Variants in RBM20 observed in about 807,000 individuals in gnomAD.
The protein encoded by RBM20 is RNA-binding protein 20.
A neutral mutation model predicts 110.1 loss-of-function variants in RBM20; 51 were observed. That is an observed-to-expected ratio of 0.46 (90% CI 0.37 to 0.59). The LOEUF (loss-of-function observed/expected upper bound fraction) is 0.59, where lower values mean the gene tolerates loss of function less well. RBM20 is among the 20% of genes least tolerant of loss of function. RBM20 has a pLI of 0.00. For synonymous variants in RBM20, 589 were observed against 618.2 expected (o/e 0.95, Z 0.70); for missense variants, 1,512 against 1,574.9 (o/e 0.96, Z 0.68).
chr10:110,664,328 A>G (rs940387479), intron 1 of RBM20, among the ~76,000 whole-genome samples: 3 of 152,244 alleles, frequency 2.0e-5, no homozygotes, highest in African/African-American at 7.2e-5. Context: ...AGAAGTACTC[A>G]GAAGCTAATT....
intron 1 of RBM20, among the ~76,000 whole-genome samples, chr10:110,710,382 T>C (rs1240000925): frequency 6.6e-6 from 1 of 152,248 alleles, no homozygotes; most frequent in Non-Finnish European, 1.5e-5. Flanking sequence ...GCACTTCCCA[T>C]GTGATTGCTA....
chr10:110,675,685 C>T (rs2134849622), intron 1 of RBM20, among the ~76,000 whole-genome samples: 1 of 152,252 alleles, frequency 6.6e-6, no homozygotes, highest in South Asian at 2.1e-4. Context: ...ACATAGTCCC[C>T]CTCAAGTTCT....
At chr10:110,667,068 T>TGGTC (rs1425155619) in intron 1 of RBM20, among the ~76,000 whole-genome samples, 1 of 152,218 alleles carries the variant, frequency 6.6e-6, no homozygotes, top group East Asian at 1.9e-4. Flanking sequence ...AGGATGTGTG[T>TGGTC]GGTCTTACTG....
intron 1 of RBM20, among the ~76,000 whole-genome samples, chr10:110,757,712 A>G (rs1843939069): frequency 6.6e-6 from 1 of 152,220 alleles, no homozygotes; most frequent in Admixed American, 6.5e-5. Context: ...CTGTTGGGGA[A>G]TAAAAGGCAA....
At chr10:110,672,052 T>A (rs4918555) in intron 1 of RBM20, among the ~76,000 whole-genome samples, 158 of 152,144 alleles carry the variant, frequency 1.0e-3, no homozygotes, top group African/African-American at 3.5e-3. Flanking sequence ...TAGGGCCCTA[T>A]TAGGGACTCT....
At chr10:110,779,954 G>C (rs1844315487) in intron 1 of RBM20, among the ~76,000 whole-genome samples, 1 of 152,144 alleles carries the variant, frequency 6.6e-6, no homozygotes, top group Non-Finnish European at 1.5e-5. Context: ...CTTAACATTA[G>C]AGCATATAGA....
intron 1 of RBM20, among the ~76,000 whole-genome samples, chr10:110,655,245 CT>C (rs923267470): frequency 1.3e-5 from 2 of 151,990 alleles, no homozygotes; most frequent in East Asian, 3.8e-4. Flanking sequence ...CCAATTAAAA[CT>C]TTTTTTTCCT....
At chr10:110,652,132 C>G (rs1861958452) in intron 1 of RBM20, among the ~76,000 whole-genome samples, 1 of 152,142 alleles carries the variant, frequency 6.6e-6, no homozygotes, top group African/African-American at 2.4e-5. Flanking sequence ...TCATGTACTA[C>G]TCAGCCATTA....
chr10:110,744,243 C>T (rs994796329), intron 1 of RBM20, among the ~76,000 whole-genome samples: 1 of 152,162 alleles, frequency 6.6e-6, no homozygotes, highest in Non-Finnish European at 1.5e-5. Flanking sequence ...CAGTGCCTGG[C>T]ACACAGTAGG....
intron 7 of RBM20, among the ~76,000 whole-genome samples, chr10:110,809,954 T>C (rs1278100874): frequency 4.6e-5 from 7 of 152,220 alleles, no homozygotes; most frequent in Admixed American, 6.5e-5. Flanking sequence ...TAAGTTTCCA[T>C]AGATATAAAA....
chr10:110,751,930 A>G (rs572760270), intron 1 of RBM20, among the ~76,000 whole-genome samples: 16 of 152,164 alleles, frequency 1.1e-4, no homozygotes, highest in African/African-American at 3.9e-4. Flanking sequence ...TTGAGAGGAA[A>G]GTACAGAGAT....
chr10:110,827,789 C>T (rs1053275149), intron 12 of RBM20: 6 of 152,192 alleles, frequency 3.9e-5, no homozygotes, highest in African/African-American at 1.4e-4. Flanking sequence ...TGGCTCCTCT[C>T]ACCGGGGCTG....
rs76890793 is a variant in RBM20 at position 110,722,768 on chromosome 10, C to T, written c.192-58033C>T. The stretch of plus-strand genomic sequence containing the variant: ...ATGATACTAATTACATCTCTGATAC[C>T]ATTGACAAAGGAGCTCTAGGGCTAG... On this transcript the variant is annotated intron_variant, in intron 1 of 13. Transcript: ENST00000369519. Among the ~76,000 whole-genome samples the T allele has an allele frequency of 5.6e-3, 845 of 152,148 alleles. 4 individuals carry two copies. The highest frequency in any genetic ancestry group is 0.02 in the African/African-American group (810 of 41,506).
At position 110,644,539 on chromosome 10, in the gene RBM20, G is replaced by C; in HGVS notation, c.85G>C (p.Ala29Pro). Residue 29 changes from alanine (A) to proline (P), a missense_variant, in exon 1 of 14, where the codon GCC (alanine) becomes CCC (proline). This residue lies in a region of RBM20 where 1,149 missense variants were observed against 1,169.4 expected (regional missense o/e 0.98). Transcript: ENST00000369519. This position sits in a 1 kb window ranked among gnomAD's most constrained non-coding sequence, Gnocchi z 4.3. ...PDRVACSVPG[A>P]RASPAPSGPR... ...CAGAGTTGCCTGCAGTGTGCCTGGTGCCCGGGCGTCCCCGGCACCCTCCGG... is the reference window on the plus strand; with the variant it reads ...CAGAGTTGCCTGCAGTGTGCCTGGTCCCCGGGCGTCCCCGGCACCCTCCGG... 6.5e-7 allele frequency: 1 copy of C among 1,528,292 alleles called. No individual in the cohort carries two copies. 94.7% of individuals were successfully genotyped at this position (1,528,292 alleles called of 1,614,324 possible). A position where few individuals can be genotyped will look rare whatever the true frequency, so the allele number is the denominator to read the frequency against.
At position 110,774,922 on chromosome 10, in the gene RBM20, A is replaced by G. The variant is rs138354827; in HGVS notation, c.192-5879A>G. ...TAGCAGAGTTGAGAATTTTTGATCT[A>G]GGAAAGATAAATATTAAAAAGAAAT... On this transcript the variant is annotated intron_variant, in intron 1 of 13. Coordinates refer to ENST00000369519, the MANE Select transcript of RBM20 (RefSeq NM_001134363.3). 2.3e-4 allele frequency among the ~76,000 whole-genome samples: 35 copies of G among 152,350 alleles called. No homozygotes were observed. The East Asian group carries it at 4.6e-3, about 20-fold the overall frequency.
chr10:110,721,062 G>T (rs1843499169), intron 1 of RBM20, among the ~76,000 whole-genome samples: 1 of 152,178 alleles, frequency 6.6e-6, no homozygotes, highest in Admixed American at 6.5e-5. Flanking sequence ...TTTCCTGCAG[G>T]CACCTGCTCA....
chr10:110,737,180 A>AAAAAAAAAAAAAAAAAAC (rs1843679980), intron 1 of RBM20, among the ~76,000 whole-genome samples: 1 of 134,708 alleles, frequency 7.4e-6, no homozygotes, highest in African/African-American at 2.8e-5. Flanking sequence ...TCTGCCTCAA[A>AAAAAAAAAAAAAAAAAAC]AAAAAAAAAA....
chr10:110,744,202 C>G (rs186136948), intron 1 of RBM20, among the ~76,000 whole-genome samples: 21 of 152,242 alleles, frequency 1.4e-4, no homozygotes, highest in Middle Eastern at 6.8e-3. Flanking sequence ...GAAGATCACA[C>G]GAAATAGCGC....
intron 1 of RBM20, among the ~76,000 whole-genome samples, chr10:110,687,995 T>TTGTGTGTGTGTGTGTGTGTGTGTG (rs60479740): frequency 1.4e-5 from 2 of 145,376 alleles, no homozygotes; most frequent in African/African-American, 5.1e-5. Flanking sequence ...CTAAATGGTT[T>TTGTGTGTGTGTGTGTGTGTGTGTG]TGTGTGTGTG....
Sources: allele counts gnomAD v4.1 joint callset (sites outside exome capture counted in the v4.1 genomes callset), GRCh38; gene constraint gnomAD v4.1.1; regional missense constraint gnomAD v4.1.1; non-coding constraint Gnocchi (gnomAD v3.1); transcripts MANE v1.5; gene names NCBI Gene and HGNC (gene_info 2026-07-23, HGNC 2026-07-21).